Variants in ERC2 observed in about 807,000 individuals in gnomAD.
ERC2 encodes ERC protein 2.
Under a neutral mutation model 114.8 loss-of-function variants are expected in ERC2, and 42 were observed. The observed-to-expected ratio is 0.37, with a 90% CI of 0.29 to 0.47. ERC2 has a LOEUF of 0.47. ERC2 is among the 20% of genes least tolerant of loss of function. ERC2 has a pLI of 0.99. For synonymous variants in ERC2, 454 were observed against 425.5 expected (o/e 1.07, Z -0.82); for missense variants, 939 against 1,150.7 (o/e 0.82, Z 2.66).
At chr3:55,911,119 C>G (rs1022209154) in intron 13 of ERC2, among the ~76,000 whole-genome samples, 1 of 152,290 alleles carries the variant, frequency 6.6e-6, no homozygotes. Context: ...TAAAAACTCA[C>G]ATGCACATAC....
chr3:55,532,856 C>T (rs529715110), intron 17 of ERC2, among the ~76,000 whole-genome samples: 9 of 152,308 alleles, frequency 5.9e-5, no homozygotes, highest in African/African-American at 2.2e-4. Context: ...TTGGTAGAGC[C>T]TGACCCAAGG....
In ERC2 at chr3:56,188,552, A is replaced by ATGG. The variant is rs140727491; in HGVS notation, c.1075-15035_1075-15033dup. On this transcript the variant is annotated intron_variant, in intron 3 of 17. Coordinates refer to ENST00000288221, the MANE Select transcript of ERC2 (RefSeq NM_015576.3). ...CTTCAGACCATGAGAGAACACAGTT[A>ATGG]TGGTGGTGGTGGTGGTGGCAGCGGT... is the stretch of plus-strand genomic sequence containing the variant. 2.6e-5 allele frequency among the ~76,000 whole-genome samples: 4 copies of ATGG among 152,140 alleles called. No homozygotes were observed. The East Asian group carries it at 5.8e-4, about 22-fold the overall frequency.
chr3:56,456,302 T>C (rs1206567319), intron 1 of ERC2, among the ~76,000 whole-genome samples: 12 of 152,218 alleles, frequency 7.9e-5, no homozygotes, highest in Non-Finnish European at 1.6e-4. Flanking sequence ...CTATTCTGAC[T>C]AGCAAACCAA....
intron 7 of ERC2, among the ~76,000 whole-genome samples, chr3:56,051,344 G>A (rs745504874): frequency 2.0e-5 from 3 of 152,130 alleles, no homozygotes; most frequent in Admixed American, 2.0e-4. Context: ...TGATAAGCCA[G>A]CTGTAAAACT....
intron 14 of ERC2, among the ~76,000 whole-genome samples, chr3:55,833,885 C>A: frequency 6.6e-6 from 1 of 151,806 alleles, no homozygotes; most frequent in East Asian, 1.9e-4. Context: ...CAGAGACACA[C>A]ATAGGCTCAA....
intron 17 of ERC2, among the ~76,000 whole-genome samples, chr3:55,606,109 T>G (rs926548830): frequency 1.3e-5 from 2 of 152,176 alleles, no homozygotes; most frequent in Non-Finnish European, 1.5e-5. Flanking sequence ...CATGTACCAA[T>G]GTCCATCTAC....
chr3:55,517,882 T>C (rs2052640592), intron 17 of ERC2, among the ~76,000 whole-genome samples: 1 of 152,242 alleles, frequency 6.6e-6, no homozygotes, highest in Non-Finnish European at 1.5e-5. Flanking sequence ...ATTGGTTGAG[T>C]AGAAATGTAT....
intron 17 of ERC2, among the ~76,000 whole-genome samples, chr3:55,583,417 TCCTTCCTTCCTTCCTTCCTTCCTTCCTC>T (rs1420263075): frequency 1.2e-4 from 15 of 124,312 alleles, no homozygotes; most frequent in Non-Finnish European, 2.4e-4. Context: ...CTTCCTTCCT[TCCTTCCTTCCTTCCTTCCTTCCTTCCTC>T]CCTCCCTCCT....
chr3:56,205,143 G>A (rs1327118248), intron 3 of ERC2, among the ~76,000 whole-genome samples: 1 of 151,994 alleles, frequency 6.6e-6, no homozygotes, highest in Non-Finnish European at 1.5e-5. Flanking sequence ...CTTACTATCT[G>A]CCACCCAGGC....
At position 55,671,912 on chromosome 3, in the gene ERC2, T is replaced by C. The variant is rs533835713; in HGVS notation, c.*39+11882A>G. On this transcript the variant is annotated intron_variant, in intron 17 of 17. Transcript: ENST00000288221. ...CAATAAGCACAGCAAACGCTGTCTC[T>C]CTGGAGTGTGACAGCTGACTGGAGG... Among the ~76,000 whole-genome samples the C allele has an allele frequency of 5.3e-5, 8 of 152,306 alleles. No homozygotes were observed. In the South Asian group the frequency reaches 6.2e-4, roughly 12 times the overall value.
At chr3:56,443,475 GTCATGGAAGAA>G in intron 1 of ERC2, among the ~76,000 whole-genome samples, 1 of 152,156 alleles carries the variant, frequency 6.6e-6, no homozygotes, top group Admixed American at 6.5e-5. Flanking sequence ...TGATACCAAT[GTCATGGAAGAA>G]GGAAAGAATC....
At chr3:55,878,082 G>A (rs1003126344) in intron 14 of ERC2, among the ~76,000 whole-genome samples, 7 of 152,082 alleles carry the variant, frequency 4.6e-5, no homozygotes, top group Admixed American at 1.3e-4. Context: ...GCCCCCATGC[G>A]GCTGCTGTGA....
rs373407616 is a variant in ERC2 at position 56,114,883 on chromosome 3, CT to C, written c.1473+24625del. The stretch of plus-strand genomic sequence containing the variant: ...AGCCCCTCCCTGAAACAAAGCCTTC[CT>C]TGCTTGGGGACCAGATTGTCTTTGT... On this transcript the variant is annotated intron_variant, in intron 6 of 17. Coordinates refer to ENST00000288221, the MANE Select transcript of ERC2 (RefSeq NM_015576.3). Among the ~76,000 whole-genome samples the C allele has an allele frequency of 3.3e-3, 495 of 152,264 alleles. 7 individuals carry two copies. Among genetic ancestry groups the C allele is most frequent in the African/African-American group, 0.011 (468 of 41,534 alleles).
At chr3:56,065,679 G>A (rs1162735430) in intron 7 of ERC2, among the ~76,000 whole-genome samples, 1 of 152,008 alleles carries the variant, frequency 6.6e-6, no homozygotes, top group Non-Finnish European at 1.5e-5. Context: ...TTTTCCTGAT[G>A]CTCTCCCTTC....
At chr3:55,570,407 A>G (rs75947505) in intron 17 of ERC2, among the ~76,000 whole-genome samples, 2 of 152,104 alleles carry the variant, frequency 1.3e-5, no homozygotes, top group African/African-American at 4.8e-5. Flanking sequence ...TCTTATCTCC[A>G]TGGTTGGAGT....
intron 5 of ERC2, among the ~76,000 whole-genome samples, chr3:56,141,730 T>C (rs1002015145): frequency 6.6e-6 from 1 of 152,362 alleles, no homozygotes; most frequent in Admixed American, 6.5e-5. Flanking sequence ...TCATATGTTA[T>C]TGTAATGAAT....
intron 17 of ERC2, among the ~76,000 whole-genome samples, chr3:55,629,113 T>G (rs2059640053): frequency 6.6e-6 from 1 of 151,160 alleles, no homozygotes; most frequent in African/African-American, 2.5e-5. Flanking sequence ...TCTTCAGACT[T>G]GAAGATGAGA....
At chr3:56,163,555 G>A (rs887622475) in intron 4 of ERC2, among the ~76,000 whole-genome samples, 1 of 152,078 alleles carries the variant, frequency 6.6e-6, no homozygotes, top group Non-Finnish European at 1.5e-5. Flanking sequence ...GTGCTCCAGT[G>A]TTGGGTACAT....
chr3:55,901,092 T>G (rs555294926), intron 13 of ERC2, among the ~76,000 whole-genome samples: 12 of 152,354 alleles, frequency 7.9e-5, no homozygotes, highest in African/African-American at 2.2e-4. Context: ...CTGGCTCATT[T>G]TCTATCACAT....
Sources: allele counts gnomAD v4.1 joint callset (sites outside exome capture counted in the v4.1 genomes callset), GRCh38; gene constraint gnomAD v4.1.1; transcripts MANE v1.5; gene names NCBI Gene and HGNC (gene_info 2026-07-23, HGNC 2026-07-21).